The following CAAP1 variants were observed in gnomAD, a reference collection of about 807,000 sequenced individuals.
The protein encoded by CAAP1 is conserved anti-apoptotic protein.
A neutral mutation model predicts 34.0 loss-of-function variants in CAAP1; 20 were observed. The observed-to-expected ratio is 0.59, with a 90% CI of 0.41 to 0.86. The LOEUF (loss-of-function observed/expected upper bound fraction) is 0.86, where lower values mean the gene tolerates loss of function less well. CAAP1 is among the 40% of genes least tolerant of loss of function. The pLI is 0.00. For missense variants in CAAP1, 538 were observed against 450.5 expected, an observed-to-expected ratio of 1.19 and a Z score of -1.76; for synonymous variants, 213 against 166.7, an observed-to-expected ratio of 1.28 and a Z score of -2.14.
intron 5 of CAAP1, among the ~76,000 whole-genome samples, chr9:26,848,993 G>A (rs1175531731): frequency 1.3e-5 from 2 of 152,156 alleles, no homozygotes; most frequent in African/African-American, 4.8e-5. Context: ...CTGCTGTCTA[G>A]ACACTAAGCC....
In CAAP1 at chr9:26,867,965, T is replaced by G. The variant is rs1823177061; in HGVS notation, c.666-6826A>C. On this transcript the variant is annotated intron_variant, in intron 4 of 5. Transcript: ENST00000333916. ...GGTACTGCTTTGGAGAAAGAACAAG[T>G]ATGGGAGGAGGATGGGGTGAGATCA... 2.0e-5 allele frequency among the ~76,000 whole-genome samples: 3 copies of G among 152,090 alleles called. No individual in the cohort carries two copies. The South Asian group carries it at 6.2e-4, about 32-fold the overall frequency.
chr9:26,872,768 G>T (rs1823312092), intron 4 of CAAP1, among the ~76,000 whole-genome samples: 1 of 151,558 alleles, frequency 6.6e-6, no homozygotes, highest in South Asian at 2.1e-4. Context: ...ATTCCCTAAA[G>T]AATATACTAG....
chr9:26,887,011 C>T (rs1001362282), intron 2 of CAAP1, among the ~76,000 whole-genome samples: 4 of 152,070 alleles, frequency 2.6e-5, no homozygotes, highest in Non-Finnish European at 4.4e-5. Flanking sequence ...GTCAGGAGTT[C>T]GAGACCAGCC....
At chr9:26,879,948 G>A (rs1160164730) in intron 4 of CAAP1, among the ~76,000 whole-genome samples, 2 of 152,096 alleles carry the variant, frequency 1.3e-5, no homozygotes, top group Non-Finnish European at 2.9e-5. Context: ...GTGATCGTGT[G>A]ACTCAATTCT....
chr9:26,871,753 A>C (rs929845661), intron 4 of CAAP1, among the ~76,000 whole-genome samples: 4 of 151,680 alleles, frequency 2.6e-5, no homozygotes, highest in Non-Finnish European at 5.9e-5. Flanking sequence ...GTGAAACCCC[A>C]TCTCTACTAC....
chr9:26,868,697 A>T (rs75637018), intron 4 of CAAP1, among the ~76,000 whole-genome samples: 5,428 of 152,360 alleles, frequency 0.036, 160 homozygotes, highest in South Asian at 0.097. Flanking sequence ...CAAGTCAAAT[A>T]ACACCATGAA....
intron 5 of CAAP1, 71 bp downstream of exon 5, chr9:26,860,995 A>G: frequency 8.6e-7 from 1 of 1,160,950 alleles, no homozygotes; most frequent in Non-Finnish European, 1.3e-6. Flanking sequence ...AGACACTGAA[A>G]ATTTATTTTT....
intron 3 of CAAP1, 112 bp downstream of exon 3, chr9:26,885,992 A>C (rs79875827): frequency 0.051 from 24,249 of 474,738 alleles, 743 homozygotes; most frequent in South Asian, 0.1. Context: ...CTCTTCAACA[A>C]CAACCCAATA....
intron 5 of CAAP1, among the ~76,000 whole-genome samples, chr9:26,847,106 T>C (rs1286524752): frequency 6.6e-6 from 1 of 151,686 alleles, no homozygotes; most frequent in African/African-American, 2.4e-5. Context: ...CTTAAAAATA[T>C]ATCTTGGTCA....
At chr9:26,870,749 C>T (rs536948263) in intron 4 of CAAP1, among the ~76,000 whole-genome samples, 109 of 151,590 alleles carry the variant, frequency 7.2e-4, no homozygotes, top group South Asian at 4.4e-3. Flanking sequence ...CCCAAGTAGA[C>T]GGGAATATAG....
chr9:26,888,407 C>A (rs1354675600), intron 1 of CAAP1, among the ~76,000 whole-genome samples: 2 of 152,146 alleles, frequency 1.3e-5, no homozygotes, highest in Non-Finnish European at 2.9e-5. Context: ...GTCTTTCCTC[C>A]CTCCTTTATC....
chr9:26,890,958 A>AG (rs1215640904), intron 1 of CAAP1, among the ~76,000 whole-genome samples: 1 of 152,206 alleles, frequency 6.6e-6, no homozygotes, highest in African/African-American at 2.4e-5. Flanking sequence ...AAAAACAAAA[A>AG]AAAAGAAACA....
chr9:26,869,860 G>T, intron 4 of CAAP1: 2 of 505,730 alleles, frequency 4.0e-6, no homozygotes, highest in Non-Finnish European at 5.1e-6. Context: ...AATCAGTTAA[G>T]TGATTAAGAG....
Position 26,887,321 on chromosome 9 carries a change from C to T in CAAP1, c.496G>A (p.Val166Met). 1.9e-6 allele frequency: 3 copies of T among 1,592,172 alleles called. No homozygotes were observed. The highest frequency in any genetic ancestry group is 2.6e-6 in the Non-Finnish European group (3 of 1,166,646). Residue 166 changes from valine (V) to methionine (M), a missense_variant, in exon 2 of 6, where the codon GTG becomes ATG. By Grantham distance (21) the Val-to-Met change is conservative. This residue lies in a region of CAAP1 where 514 missense variants were observed against 408.4 expected (regional missense o/e 1.26). Transcript: ENST00000333916. ...GATGTGTAATGAAGTACCTTTAACA[C>T]ATCAGGAAGCATCTTCTGTAACTTT... ...EKKLQKMLPD[V>M]LKNCSIEEIK...
intron 4 of CAAP1, among the ~76,000 whole-genome samples, chr9:26,868,931 A>T (rs1823206711): frequency 6.6e-6 from 1 of 152,240 alleles, no homozygotes; most frequent in Admixed American, 6.5e-5. Context: ...CATCCGGGAA[A>T]ATCTGAATAT....
intron 5 of CAAP1, among the ~76,000 whole-genome samples, chr9:26,845,888 T>C (rs1403884441): frequency 6.6e-6 from 1 of 152,196 alleles, no homozygotes; most frequent in Non-Finnish European, 1.5e-5. Flanking sequence ...TATGTTTTTC[T>C]GGTAGCTGGT....
chr9:26,865,524 CAA>C (rs200010318), intron 4 of CAAP1, among the ~76,000 whole-genome samples: 6 of 134,230 alleles, frequency 4.5e-5, no homozygotes, highest in Admixed American at 1.5e-4. Context: ...AACTATGTCT[CAA>C]AAAAAAAAAA....
chr9:26,871,744 T>C (rs754222174), intron 4 of CAAP1, among the ~76,000 whole-genome samples: 12 of 151,684 alleles, frequency 7.9e-5, no homozygotes, highest in Non-Finnish European at 1.6e-4. Context: ...GCCAACATGG[T>C]GAAACCCCAT....
intron 4 of CAAP1, 127 bp downstream of exon 4, chr9:26,884,683 A>T: frequency 1.3e-6 from 1 of 745,448 alleles, no homozygotes; most frequent in East Asian, 2.5e-5. Flanking sequence ...TAGACAAATA[A>T]ATCTTTCTAT....
Sources: gnomAD v4.1 joint callset for allele counts (sites outside exome capture counted in the v4.1 genomes callset) on GRCh38, gnomAD v4.1.1 for gene constraint, gnomAD v4.1.1 regional missense constraint, MANE v1.5 for transcripts, NCBI Gene and HGNC (gene_info 2026-07-23, HGNC 2026-07-21) for gene names.